Variants in COL24A1 observed in about 807,000 individuals in gnomAD.
The protein encoded by COL24A1 is collagen type XXIV alpha 1 chain.
A neutral mutation model predicts 253.9 loss-of-function variants in COL24A1; 224 were observed. That is an observed-to-expected ratio of 0.88 (90% CI 0.79 to 0.99). The LOEUF is 0.99. Ranked by LOEUF, COL24A1 falls within the 50% of genes least tolerant of loss-of-function variation. The pLI is 0.00. For synonymous variants in COL24A1, 685 were observed against 673.7 expected (o/e 1.02, Z -0.26); for missense variants, 2,131 against 2,068.5 (o/e 1.03, Z -0.59).
chr1:86,000,553 T>G (rs1695297751), intron 19 of COL24A1, among the ~76,000 whole-genome samples: 1 of 152,208 alleles, frequency 6.6e-6, no homozygotes, highest in Non-Finnish European at 1.5e-5. Context: ...GGGATTCCAT[T>G]ACATTCTAAT....
In COL24A1 at chr1:86,033,893, G is replaced by A. The variant is rs768098352; in HGVS notation, c.1981C>T (p.Pro661Ser). 3 of 1,597,328 alleles carry A rather than the reference G, an allele frequency of 1.9e-6. No homozygotes were observed. In the African/African-American group the frequency reaches 4.1e-5, roughly 22 times the overall value. The change falls in exon 13 of 60, where the codon CCT (proline) becomes TCT (serine). Residue 661 changes from proline to serine, a missense_variant. Physicochemically the swap from Pro to Ser is moderately conservative, Grantham distance 74. Coordinates refer to ENST00000370571, the MANE Select transcript of COL24A1 (RefSeq NM_152890.7). Reference sequence around the variant, plus strand: ...ACAGGACTGCCATCAAGACCAGCAGGGCCTCTGTCTCCAAAGTCACCTGGA... The same window carrying A: ...ACAGGACTGCCATCAAGACCAGCAGAGCCTCTGTCTCCAAAGTCACCTGGA... ...GFPGDFGDRG[P>S]AGLDGSPGLV...
In COL24A1 at chr1:85,925,220, T is replaced by A. The variant is rs185933994; in HGVS notation, c.2563-13787A>T. Among the ~76,000 whole-genome samples the A allele has an allele frequency of 2.0e-3, 312 of 152,216 alleles. 11 individuals are homozygous for A. The South Asian group carries it at 0.052, about 25-fold the overall frequency. ...ATTCCATGCTCATGGACAGGAAGAATCAATATCATGGTAATGGCCATACTG... is the reference window on the plus strand; with the variant it reads ...ATTCCATGCTCATGGACAGGAAGAAACAATATCATGGTAATGGCCATACTG... On this transcript the variant is annotated intron_variant, in intron 24 of 59. Transcript: ENST00000370571.
At chr1:85,998,656 A>AT (rs1467849079) in intron 19 of COL24A1, among the ~76,000 whole-genome samples, 1 of 152,204 alleles carries the variant, frequency 6.6e-6, no homozygotes, top group East Asian at 1.9e-4. Context: ...CTCTTCAGAG[A>AT]TTTTTGCATT....
rs762150921 is a variant in COL24A1 at position 86,089,199 on chromosome 1, C to G, written c.1682G>C (p.Gly561Ala). 1.3e-6 allele frequency: 2 copies of G among 1,585,310 alleles called. No homozygotes were observed. Among genetic ancestry groups the G allele is most frequent in the Admixed American group, 4.0e-5 (2 of 50,572 alleles). Residue 561 changes from glycine to alanine, a missense_variant, in exon 7 of 60, where the codon GGC (glycine) becomes GCC (alanine). Coordinates refer to ENST00000370571, the MANE Select transcript of COL24A1 (RefSeq NM_152890.7). ...KGDQGLSGLMGPPGMQGDKGL... is the reference protein window; with the variant it reads ...KGDQGLSGLMAPPGMQGDKGL... Reference sequence around the variant, plus strand: ...CTTATCACCTTGCATACCAGGGGGGCCCATTAATCCAGAAAGGCCTTGATC... The same window carrying G: ...CTTATCACCTTGCATACCAGGGGGGGCCATTAATCCAGAAAGGCCTTGATC...
At chr1:86,101,416 G>A (rs1397502149) in intron 5 of COL24A1, among the ~76,000 whole-genome samples, 2 of 152,050 alleles carry the variant, frequency 1.3e-5, no homozygotes, top group East Asian at 3.9e-4. Context: ...AGGACTTCCA[G>A]TACTGTGTTG....
At chr1:86,121,484 A>T (rs946291225) in intron 3 of COL24A1, among the ~76,000 whole-genome samples, 1 of 152,146 alleles carries the variant, frequency 6.6e-6, no homozygotes, top group African/African-American at 2.4e-5. Flanking sequence ...TATTCAAAGA[A>T]TGTCAAGATG....
intron 39 of COL24A1, among the ~76,000 whole-genome samples, chr1:85,845,048 T>C (rs1677024078): frequency 6.6e-6 from 1 of 151,874 alleles, no homozygotes. Flanking sequence ...ATAGGCCTAC[T>C]TTGCTTACAA....
At chr1:85,809,725 GT>G (rs575685275) in intron 47 of COL24A1, among the ~76,000 whole-genome samples, 14 of 148,282 alleles carry the variant, frequency 9.4e-5, no homozygotes, top group South Asian at 4.2e-4. Flanking sequence ...TAAGGTTGCT[GT>G]TTTTTTTGTT....
chr1:85,871,224 A>G (rs1680443292), intron 35 of COL24A1, among the ~76,000 whole-genome samples: 2 of 152,122 alleles, frequency 1.3e-5, no homozygotes, highest in Non-Finnish European at 1.5e-5. Flanking sequence ...CAACCAAAAA[A>G]AGTCCAGGAC....
At chr1:85,940,152 C>T (rs7524481) in intron 24 of COL24A1, among the ~76,000 whole-genome samples, 3,337 of 18,966 alleles carry the variant, frequency 0.18, 1,242 homozygotes, top group African/African-American at 0.34. Flanking sequence ...CGCCTGTAAT[C>T]CCAGCACTTT....
chr1:86,054,254 A>T (rs1700518505), intron 10 of COL24A1, among the ~76,000 whole-genome samples: 1 of 152,132 alleles, frequency 6.6e-6, no homozygotes, highest in African/African-American at 2.4e-5. Flanking sequence ...TTTGTGACTA[A>T]ATCTTCAAAA....
chr1:86,088,770 T>C (rs1703262542), intron 7 of COL24A1, among the ~76,000 whole-genome samples: 1 of 152,304 alleles, frequency 6.6e-6, no homozygotes, highest in East Asian at 1.9e-4. Context: ...AAACCTCACT[T>C]TGGGCATATA....
At chr1:85,913,612 T>C (rs982430422) in intron 24 of COL24A1, among the ~76,000 whole-genome samples, 2 of 152,214 alleles carry the variant, frequency 1.3e-5, no homozygotes, top group Non-Finnish European at 2.9e-5. Context: ...CTTATGCCCC[T>C]GAATCAACAG....
Position 85,737,451 on chromosome 1 carries a change from A to G in COL24A1, c.4727T>C (p.Phe1576Ser), listed in dbSNP as rs1664170983. The G allele has an allele frequency of 1.9e-6, 3 of 1,613,350 alleles. No individual in the cohort carries two copies. The highest frequency in any genetic ancestry group is 2.5e-6 in the Non-Finnish European group (3 of 1,179,474). Reference sequence around the variant, plus strand: ...CTGGCCACCAGCACTGAAATTGCAGAAAACCTCAATGGCATCTGAAGGACA... The same window carrying G: ...CTGGCCACCAGCACTGAAATTGCAGGAAACCTCAATGGCATCTGAAGGACA... ...LGCPSDAIEV[F>S]CNFSAGGQTC... Residue 1576 changes from phenylalanine to serine, a missense_variant, in exon 58 of 60, where the codon TTC (phenylalanine) becomes TCC (serine). Physicochemically the swap from Phe to Ser is radical, Grantham distance 155. Coordinates refer to ENST00000370571, the MANE Select transcript of COL24A1 (RefSeq NM_152890.7).
intron 27 of COL24A1, among the ~76,000 whole-genome samples, chr1:85,908,320 A>G (rs1685036106): frequency 6.6e-6 from 1 of 151,740 alleles, no homozygotes; most frequent in African/African-American, 2.4e-5. Context: ...TCTAATCTTA[A>G]TAATCCTGTT....
intron 53 of COL24A1, among the ~76,000 whole-genome samples, chr1:85,762,606 A>G (rs1472368034): frequency 6.6e-6 from 1 of 152,214 alleles, no homozygotes; most frequent in African/African-American, 2.4e-5. Flanking sequence ...TTATCAACCA[A>G]TGCATATATC....
At chr1:85,958,478 T>A (rs753682103) in intron 24 of COL24A1, among the ~76,000 whole-genome samples, 2 of 152,138 alleles carry the variant, frequency 1.3e-5, no homozygotes, top group Non-Finnish European at 2.9e-5. Flanking sequence ...ACCATATGTT[T>A]AAAAATGTGC....
chr1:86,036,048 T>C (rs1304137495), intron 12 of COL24A1, among the ~76,000 whole-genome samples: 1 of 152,164 alleles, frequency 6.6e-6, no homozygotes, highest in Non-Finnish European at 1.5e-5. Flanking sequence ...CTTCTTATTC[T>C]TCCAGTAGTT....
rs879708751 is a variant in COL24A1 at position 85,767,644 on chromosome 1, C to CTT, written c.4375-6080_4375-6079dup. 1.4e-3 allele frequency among the ~76,000 whole-genome samples: 210 copies of CTT among 146,796 alleles called. 1 individual carries two copies. The highest frequency in any genetic ancestry group is 7.0e-3 in the Middle Eastern group (2 of 284). The stretch of plus-strand genomic sequence containing the variant: ...CATAATTGTAATGTGCCAGTTAATC[C>CTT]TTTTTTTTTTTAAACAGCATATTTA... On this transcript the variant is annotated intron_variant, in intron 53 of 59. Coordinates refer to ENST00000370571, the MANE Select transcript of COL24A1 (RefSeq NM_152890.7).
Sources: gnomAD v4.1 joint callset for allele counts (sites outside exome capture counted in the v4.1 genomes callset) on GRCh38, gnomAD v4.1.1 for gene constraint, MANE v1.5 for transcripts, NCBI Gene and HGNC (gene_info 2026-07-23, HGNC 2026-07-21) for gene names.